Variants in REV1 observed in about 807,000 individuals in gnomAD.
REV1 encodes REV1 DNA directed polymerase.
A neutral mutation model predicts 137.4 loss-of-function variants in REV1; 42 were observed. The ratio of observed to expected loss-of-function variants is 0.31; its 90% CI spans 0.24 to 0.40. The LOEUF (loss-of-function observed/expected upper bound fraction) is 0.40, where lower values mean the gene tolerates loss of function less well. REV1 is among the 10% of genes least tolerant of loss of function. REV1 has a pLI of 1.00. For synonymous variants in REV1, 524 were observed against 519.2 expected, an observed-to-expected ratio of 1.01 and a Z score of -0.12; for missense variants, 1,282 against 1,490.1, an observed-to-expected ratio of 0.86 and a Z score of 2.30.
At chr2:99,406,888 C>T (rs1676372544) in intron 15 of REV1, 1 of 153,386 alleles carries the variant, frequency 6.5e-6, no homozygotes, top group African/African-American at 2.4e-5. Context: ...AAATACTTCT[C>T]AAAAAATATT....
intron 3 of REV1, among the ~76,000 whole-genome samples, chr2:99,462,105 T>C (rs1432050960): frequency 6.6e-6 from 1 of 152,126 alleles, no homozygotes; most frequent in African/African-American, 2.4e-5. Context: ...TAAAAGATTC[T>C]TCTCTAGGAA....
chr2:99,468,961 T>G (rs901518806), intron 1 of REV1, among the ~76,000 whole-genome samples: 21 of 152,192 alleles, frequency 1.4e-4, no homozygotes, highest in African/African-American at 4.8e-4. Flanking sequence ...AACATAATGA[T>G]AACAGTAGAC....
At chr2:99,442,270 A>AAC (rs770937537) in intron 5 of REV1, 47 bp downstream of exon 5, 58 of 1,458,888 alleles carry the variant, frequency 4.0e-5, no homozygotes, top group Non-Finnish European at 4.7e-5. Context: ...AAAAAAAAAA[A>AAC]AAAAAACCAA....
At chr2:99,412,582 G>A in intron 13 of REV1, 149 bp downstream of exon 13, 1 of 635,748 alleles carries the variant, frequency 1.6e-6, no homozygotes, top group Non-Finnish European at 2.8e-6. Context: ...ACCACACAGT[G>A]CCTTAAAAGG....
Position 99,421,315 on chromosome 2 carries a change from G to A in REV1, c.1831+184C>T, listed in dbSNP as rs190842243. On this transcript the variant is annotated intron_variant, in intron 11 of 22. Transcript: ENST00000258428. ...AGAAATATTCTAACTTATTTATTGC[G>A]AAGATTATCAACCATTTACTTATAT... Among the ~76,000 whole-genome samples the A allele has an allele frequency of 3.3e-4, 50 of 151,646 alleles. 1 individual carries two copies. In the East Asian group the frequency reaches 8.1e-3, roughly 25 times the overall value.
chr2:99,441,467 TA>T (rs879434632), intron 5 of REV1, among the ~76,000 whole-genome samples: 171 of 144,712 alleles, frequency 1.2e-3, no homozygotes, highest in Admixed American at 1.2e-3. Context: ...AAGCTTAAAT[TA>T]AAAAAAAAAA....
intron 3 of REV1, among the ~76,000 whole-genome samples, chr2:99,454,762 C>T (rs1207891146): frequency 6.6e-6 from 1 of 151,860 alleles, no homozygotes; most frequent in Non-Finnish European, 1.5e-5. Context: ...AATAAAATTC[C>T]ACAATACTCC....
intron 6 of REV1, among the ~76,000 whole-genome samples, 187 bp downstream of exon 6, chr2:99,438,414 T>C (rs1284499951): frequency 6.6e-6 from 1 of 152,224 alleles, no homozygotes; most frequent in African/African-American, 2.4e-5. Flanking sequence ...CACAATTATA[T>C]CTAATTGTTT....
chr2:99,451,258 TA>T (rs1682891745), intron 3 of REV1: 2 of 796,256 alleles, frequency 2.5e-6, no homozygotes, highest in Non-Finnish European at 3.2e-6. Flanking sequence ...TTTAATGACT[TA>T]AATAGAAAAC....
At chr2:99,437,902 C>A (rs2104809409) in intron 6 of REV1, among the ~76,000 whole-genome samples, 1 of 152,184 alleles carries the variant, frequency 6.6e-6, no homozygotes, top group South Asian at 2.1e-4. Context: ...CTTTCTAGGA[C>A]AGAACCATGA....
chr2:99,467,568 C>T (rs1025007890), intron 1 of REV1, among the ~76,000 whole-genome samples: 28 of 152,130 alleles, frequency 1.8e-4, no homozygotes, highest in Admixed American at 9.2e-4. Flanking sequence ...AGAAGAGTGG[C>T]TGGGAGACTG....
intron 5 of REV1, among the ~76,000 whole-genome samples, chr2:99,441,357 A>G (rs1022481578): frequency 2.0e-5 from 3 of 152,196 alleles, no homozygotes; most frequent in Non-Finnish European, 2.9e-5. Flanking sequence ...CAAGCAATTT[A>G]ATAAATAAAG....
intron 14 of REV1, among the ~76,000 whole-genome samples, chr2:99,408,756 G>A (rs921318953): frequency 6.6e-6 from 1 of 152,152 alleles, no homozygotes; most frequent in South Asian, 2.1e-4. Context: ...GGCATGAGCG[G>A]GCTGTCCCAT....
At chr2:99,444,315 A>G (rs1199725485) in intron 4 of REV1, among the ~76,000 whole-genome samples, 1 of 152,254 alleles carries the variant, frequency 6.6e-6, no homozygotes, top group Non-Finnish European at 1.5e-5. Context: ...GAGTGAAACT[A>G]CACCCACTGT....
At chr2:99,459,342 C>T (rs10207981) in intron 3 of REV1, among the ~76,000 whole-genome samples, 45,002 of 151,922 alleles carry the variant, frequency 0.3, 7,012 homozygotes, top group African/African-American at 0.35. Context: ...GTAAAGGGTT[C>T]ACAGTATCAC....
intron 4 of REV1, among the ~76,000 whole-genome samples, chr2:99,446,563 C>T (rs932477660): frequency 6.6e-6 from 1 of 152,070 alleles, no homozygotes. Flanking sequence ...GGCGTGATCT[C>T]GGCTCACTGC....
chr2:99,481,806 C>T (rs1686639191), intron 1 of REV1, among the ~76,000 whole-genome samples: 1 of 152,146 alleles, frequency 6.6e-6, no homozygotes, highest in Non-Finnish European at 1.5e-5. Flanking sequence ...AAGCTGGAGG[C>T]TACAGTGAGC....
chr2:99,470,137 T>C (rs1474239110), intron 1 of REV1, among the ~76,000 whole-genome samples: 1 of 151,718 alleles, frequency 6.6e-6, no homozygotes, highest in East Asian at 1.9e-4. Flanking sequence ...AAAAAAAAGA[T>C]ATTTCATCTA....
chr2:99,415,717 C>T (rs1677763322), intron 12 of REV1, among the ~76,000 whole-genome samples: 4 of 152,176 alleles, frequency 2.6e-5, no homozygotes, highest in Admixed American at 2.6e-4. Flanking sequence ...TTAGTGCAGA[C>T]TTTATGAATG....
Sources: allele counts gnomAD v4.1 joint callset (sites outside exome capture counted in the v4.1 genomes callset), GRCh38; gene constraint gnomAD v4.1.1; transcripts MANE v1.5; gene names NCBI Gene and HGNC (gene_info 2026-07-23, HGNC 2026-07-21).